Variants in VPS13D observed in about 807,000 individuals in gnomAD.
The protein encoded by VPS13D is vacuolar protein sorting 13 homolog D, also known as intermembrane lipid transfer protein VPS13D.
VPS13D carries 187 observed loss-of-function variants against 461.9 expected under a neutral mutation model. The observed-to-expected ratio is 0.40, with a 90% CI of 0.36 to 0.46. The LOEUF is 0.46. VPS13D is among the 20% of genes least tolerant of loss of function. The probability of loss-of-function intolerance (pLI) is 0.60; values close to 1 mark genes in which losing one functional copy is unlikely to be tolerated. For missense variants in VPS13D, 4,711 were observed against 5,364.9 expected, an observed-to-expected ratio of 0.88 and a Z score of 3.81; for synonymous variants, 1,951 against 1,986.3, an observed-to-expected ratio of 0.98 and a Z score of 0.47.
intron 46 of VPS13D, among the ~76,000 whole-genome samples, chr1:12,349,840 T>C (rs1569973261): frequency 6.6e-6 from 1 of 152,222 alleles, no homozygotes; most frequent in East Asian, 1.9e-4. Context: ...AACTCCTGTT[T>C]TCCCATTATA....
chr1:12,397,096 G>C (rs1330483014), intron 60 of VPS13D, among the ~76,000 whole-genome samples: 2 of 152,114 alleles, frequency 1.3e-5, no homozygotes, highest in African/African-American at 4.8e-5. Flanking sequence ...ACCACGCCCA[G>C]CAATTTTCGT....
At chr1:12,312,955 A>G (rs1410565332) in intron 29 of VPS13D, among the ~76,000 whole-genome samples, 1 of 152,124 alleles carries the variant, frequency 6.6e-6, no homozygotes, top group Non-Finnish European at 1.5e-5. Context: ...AGTCAGTGTA[A>G]ATGTATGAAT....
chr1:12,500,602 T>C (rs1407773937), intron 68 of VPS13D, among the ~76,000 whole-genome samples: 1 of 152,108 alleles, frequency 6.6e-6, no homozygotes, highest in Non-Finnish European at 1.5e-5. Flanking sequence ...ATTAAGACAA[T>C]TTAAATTGTA....
intron 57 of VPS13D, among the ~76,000 whole-genome samples, chr1:12,381,978 CTT>C (rs1406577463): frequency 5.4e-4 from 69 of 128,952 alleles, no homozygotes; most frequent in African/African-American, 1.3e-3. Flanking sequence ...TTCTTTCTTT[CTT>C]TCTCTCTCTC....
chr1:12,450,300 C>T (rs909106023), intron 65 of VPS13D, among the ~76,000 whole-genome samples: 3 of 152,132 alleles, frequency 2.0e-5, no homozygotes, highest in African/African-American at 4.8e-5. Flanking sequence ...CCACAAAGTT[C>T]ATGGCAGCCT....
At chr1:12,484,799 A>G (rs1009740080) in intron 67 of VPS13D, among the ~76,000 whole-genome samples, 8 of 151,908 alleles carry the variant, frequency 5.3e-5, no homozygotes. Flanking sequence ...GTGTCCTCGG[A>G]GGGTTACATG....
At chr1:12,412,941 A>G (rs1240728728) in intron 63 of VPS13D, among the ~76,000 whole-genome samples, 3 of 152,248 alleles carry the variant, frequency 2.0e-5, no homozygotes, top group African/African-American at 4.8e-5. Flanking sequence ...AAGAACTCCT[A>G]CAAAGCAGTA....
At chr1:12,323,652 T>C in intron 34 of VPS13D, 54 bp from the exon 35 acceptor site, 1 of 1,512,222 alleles carries the variant, frequency 6.6e-7, no homozygotes, top group East Asian at 2.3e-5. Context: ...AATTAGTTTG[T>C]AGATTAATTT....
chr1:12,318,504 G>A (rs1218618369), intron 31 of VPS13D, among the ~76,000 whole-genome samples, 167 bp downstream of exon 31: 1 of 152,150 alleles, frequency 6.6e-6, no homozygotes, highest in Non-Finnish European at 1.5e-5. Flanking sequence ...CCATTTTCAG[G>A]TGGGAGCTGT....
At chr1:12,283,769 C>A in intron 21 of VPS13D, 33 bp downstream of exon 21, 1 of 1,561,604 alleles carries the variant, frequency 6.4e-7, no homozygotes, top group South Asian at 1.2e-5. Flanking sequence ...CCCTTAAGCT[C>A]TAAAAATGGA....
At chr1:12,422,282 T>C (rs186230055) in intron 65 of VPS13D, among the ~76,000 whole-genome samples, 49 of 152,328 alleles carry the variant, frequency 3.2e-4, no homozygotes, top group African/African-American at 1.2e-3. Flanking sequence ...ATAGTGGTTA[T>C]TTGCTATTCA....
At chr1:12,372,001 G>A (rs565713497) in intron 54 of VPS13D, among the ~76,000 whole-genome samples, 1 of 152,186 alleles carries the variant, frequency 6.6e-6, no homozygotes, top group South Asian at 2.1e-4. Context: ...ACAGTGTAGA[G>A]AGGTTCCAAT....
chr1:12,342,573 T>G (rs1338873449), intron 41 of VPS13D, among the ~76,000 whole-genome samples: 1 of 152,218 alleles, frequency 6.6e-6, no homozygotes, highest in Non-Finnish European at 1.5e-5. Context: ...GTTTTAACAG[T>G]GTAGGTCTGT....
intron 64 of VPS13D, 40 bp downstream of exon 64, chr1:12,415,261 A>G (rs1170352458): frequency 6.2e-7 from 1 of 1,612,760 alleles, no homozygotes; most frequent in Admixed American, 1.7e-5. Flanking sequence ...GAGCATAAGC[A>G]GAATGTTTGT....
Position 12,301,549 on chromosome 1 carries a change from C to T in VPS13D, c.6216+2165C>T, listed in dbSNP as rs990571012. ...GCTTTTGTGCCATGGAATTGGGGTG[C>T]TCCATCTCCTGGACTGCGGATGTAT... On this transcript the variant is annotated intron_variant, in intron 25 of 69. Transcript: ENST00000620676. Among the ~76,000 whole-genome samples the T allele has an allele frequency of 1.8e-4, 27 of 152,206 alleles. 1 individual carries two copies. The highest frequency in any genetic ancestry group is 2.9e-5 in the Non-Finnish European group (2 of 68,020).
rs202235716 is a variant in VPS13D, at chr1:12,367,553, A to AATTTATTTATTTATTTATTTATTT, written c.10449-902_10449-879dup. ...CTTATTACATTGGTGGTTGCGATGA[A>AATTTATTTATTTATTTATTTATTT]ATTTATTTATTTATTTATTTATTTA... On this transcript the variant is annotated intron_variant, in intron 52 of 69. Coordinates refer to ENST00000620676, the MANE Select transcript of VPS13D (RefSeq NM_015378.4). The AATTTATTTATTTATTTATTTATTT allele has an allele frequency of 2.6e-3, 381 of 148,958 alleles. 1 individual carries two copies. Among genetic ancestry groups the AATTTATTTATTTATTTATTTATTT allele is most frequent in the African/African-American group, 8.1e-3 (323 of 39,764 alleles). 9.2% of individuals were successfully genotyped at this position (148,958 alleles called of 1,614,324 possible).
intron 13 of VPS13D, among the ~76,000 whole-genome samples, chr1:12,262,806 C>T (rs149004624): frequency 0.021 from 3,121 of 151,680 alleles, 152 homozygotes; most frequent in Admixed American, 0.12. Context: ...TGGGTTCAAG[C>T]GATTTTCCTG....
chr1:12,278,011 T>A lies in VPS13D; in HGVS notation c.4423T>A (p.Phe1475Ile), dbSNP rs1381284344. ...QEEAHFTRHD[F>I]FESLHRGQAF... The stretch of plus-strand genomic sequence containing the variant: ...GGAAGCTCATTTCACACGACATGAT[T>A]TCTTTGAATCTTTGCATAGAGGTCA... Residue 1475 changes from phenylalanine to isoleucine, a missense_variant, in exon 19 of 70, where the codon TTC becomes ATC. Physicochemically the swap from Phe to Ile is conservative, Grantham distance 21 (BLOSUM62 0). Around this residue, in one of 3 missense-constraint regions of VPS13D, gnomAD observed 4,411 missense variants for 4,937.8 expected, o/e 0.89. Coordinates refer to ENST00000620676, the MANE Select transcript of VPS13D (RefSeq NM_015378.4). 6.2e-7 allele frequency: 1 copy of A among 1,613,894 alleles called. No homozygotes were observed. Among genetic ancestry groups the A allele is most frequent in the South Asian group, 1.1e-5 (1 of 91,034 alleles).
intron 65 of VPS13D, among the ~76,000 whole-genome samples, chr1:12,440,900 A>T (rs1405486267): frequency 6.6e-6 from 1 of 152,110 alleles, no homozygotes; most frequent in Admixed American, 6.5e-5. Context: ...TAATAAAATT[A>T]AAAAATAAAA....
Sources: gnomAD v4.1 joint callset for allele counts (sites outside exome capture counted in the v4.1 genomes callset) on GRCh38, gnomAD v4.1.1 for gene constraint, gnomAD v4.1.1 regional missense constraint, MANE v1.5 for transcripts, NCBI Gene and HGNC (gene_info 2026-07-23, HGNC 2026-07-21) for gene names.